The following CACNA1S variants were observed in gnomAD, a reference collection of about 807,000 sequenced individuals.
CACNA1S encodes voltage-dependent L-type calcium channel subunit alpha-1S.
A neutral mutation model predicts 207.4 loss-of-function variants in CACNA1S; 126 were observed. The ratio of observed to expected loss-of-function variants is 0.61; its 90% CI spans 0.53 to 0.70. CACNA1S has a LOEUF of 0.70. Among genes scored for constraint, CACNA1S ranks in the 30% least tolerant of loss-of-function variants. The pLI, the probability that CACNA1S is intolerant of heterozygous loss-of-function variation, is 0.00. For synonymous variants in CACNA1S, 960 were observed against 932.7 expected (o/e 1.03, Z -0.53); for missense variants, 2,349 against 2,422.8 (o/e 0.97, Z 0.64).
In CACNA1S at chr1:201,087,464, G is replaced by A. The variant is rs141779051; in HGVS notation, c.1004+362C>T. 1.8e-4 allele frequency among the ~76,000 whole-genome samples: 27 copies of A among 152,328 alleles called. No homozygotes were observed. The East Asian group carries it at 2.3e-3, about 13-fold the overall frequency. On this transcript the variant is annotated intron_variant, in intron 7 of 43. Transcript: ENST00000362061. ...GGGCCAGGAGGCTGGAGTTTCAGGG[G>A]CTTCACTGAGGAGTGTCAAAACAGA...
At chr1:201,079,516 C>G (rs564381026) in intron 10 of CACNA1S, among the ~76,000 whole-genome samples, 3 of 152,240 alleles carry the variant, frequency 2.0e-5, no homozygotes, top group Non-Finnish European at 2.9e-5. Context: ...GCATTCTTTA[C>G]ATCAGCAAGT....
At chr1:201,057,979 C>T (rs1209110671) in intron 28 of CACNA1S, among the ~76,000 whole-genome samples, 1 of 152,194 alleles carries the variant, frequency 6.6e-6, no homozygotes, top group Non-Finnish European at 1.5e-5. Flanking sequence ...TTCCAATAAA[C>T]TGGACCACTC....
chr1:201,091,231 T>A (rs1220203389), intron 5 of CACNA1S, among the ~76,000 whole-genome samples: 1 of 152,178 alleles, frequency 6.6e-6, no homozygotes, highest in Non-Finnish European at 1.5e-5. Flanking sequence ...TTTTCTGAGG[T>A]CCCATTCAGA....
intron 16 of CACNA1S, among the ~76,000 whole-genome samples, chr1:201,071,947 C>T (rs1237017098): frequency 6.6e-6 from 1 of 152,222 alleles, no homozygotes; most frequent in African/African-American, 2.4e-5. Context: ...AAAAGTCCCC[C>T]TGGAGCTTAG....
intron 15 of CACNA1S, among the ~76,000 whole-genome samples, chr1:201,073,051 C>T (rs1372227128): frequency 6.6e-6 from 1 of 152,200 alleles, no homozygotes; most frequent in East Asian, 1.9e-4. Context: ...CCCGCCCTAG[C>T]CTGTCTGACT....
rs527946658 is a variant in CACNA1S, at chr1:201,100,597, T to C, written c.259-6576A>G. Among the ~76,000 whole-genome samples the C allele has an allele frequency of 5.9e-5, 9 of 152,106 alleles. No homozygotes were observed. In the South Asian group the frequency reaches 1.9e-3, roughly 32 times the overall value. ...TCCCCTCCCTGTACAGCACTTCCCTTACCAGGGAACCAAGCTCCCTCAGGT... is the reference window on the plus strand; with the variant it reads ...TCCCCTCCCTGTACAGCACTTCCCTCACCAGGGAACCAAGCTCCCTCAGGT... On this transcript the variant is annotated intron_variant, in intron 2 of 43. Transcript: ENST00000362061.
intron 1 of CACNA1S, 49 bp from the exon 2 acceptor site, chr1:201,110,318 G>A: frequency 1.3e-6 from 2 of 1,533,910 alleles, no homozygotes; most frequent in South Asian, 1.1e-5. Flanking sequence ...GGGACTTACA[G>A]GGTTAAGGGG....
At chr1:201,052,976 C>T (rs1660707449) in intron 31 of CACNA1S, among the ~76,000 whole-genome samples, 2 of 152,128 alleles carry the variant, frequency 1.3e-5, no homozygotes, top group Admixed American at 1.3e-4. Flanking sequence ...CTTAGAGAGA[C>T]AGCCTGGCCC....
chr1:201,070,965 A>T (rs1408685362), intron 16 of CACNA1S, among the ~76,000 whole-genome samples: 1 of 152,182 alleles, frequency 6.6e-6, no homozygotes, highest in African/African-American at 2.4e-5. Context: ...GAAAAAAGCA[A>T]TCAGAATTTC....
At chr1:201,098,528 G>A (rs1662520311) in intron 2 of CACNA1S, among the ~76,000 whole-genome samples, 2 of 151,566 alleles carry the variant, frequency 1.3e-5, no homozygotes, top group South Asian at 4.2e-4. Context: ...ACGAACTGTG[G>A]TCTTTCCCTA....
At position 201,066,198 on chromosome 1, in the gene CACNA1S, C is replaced by T. The variant is rs927195213; in HGVS notation, c.2745+31G>A. On this transcript the variant is annotated intron_variant, in intron 21 of 43. Coordinates refer to ENST00000362061, the MANE Select transcript of CACNA1S (RefSeq NM_000069.3). This position sits in a 1 kb window ranked among gnomAD's most constrained non-coding sequence, Gnocchi z 4.3. ...GGCCCCTGTAACCCCTCCCATTCCT[C>T]TCTGGGGCTCCTGCCCGGGCCCTCT... is the stretch of plus-strand genomic sequence containing the variant. 6.2e-7 allele frequency: 1 copy of T among 1,604,652 alleles called. No individual in the cohort carries two copies. The highest frequency in any genetic ancestry group is 1.7e-5 in the Admixed American group (1 of 60,016).
chr1:201,068,229 C>CCCTTTT (rs1558066524), intron 19 of CACNA1S, among the ~76,000 whole-genome samples: 1 of 123,166 alleles, frequency 8.1e-6, no homozygotes, highest in African/African-American at 3.2e-5. Flanking sequence ...CCCGGCTCTG[C>CCCTTTT]TCTTTTTTTT....
chr1:201,039,853 G>C lies in CACNA1S; in HGVS notation c.5600C>G (p.Thr1867Ser). 1 of 1,607,488 alleles carries C rather than the reference G, an allele frequency of 6.2e-7. No individual in the cohort carries two copies. The highest frequency in any genetic ancestry group is 8.5e-7 in the Non-Finnish European group (1 of 1,180,012). ...GCATCACAGCCTTGGAGGAATAAGG[G>C]TCTCCTGGGAGCCCTGGTGTTGGTC... Reference protein sequence around the residue: ...SLDQHQGSQETLIPPRL With the variant: ...SLDQHQGSQESLIPPRL The change falls in exon 44 of 44, where the codon ACC becomes AGC. Residue 1867 changes from threonine (T) to serine (S), a missense_variant. Transcript: ENST00000362061.
intron 2 of CACNA1S, among the ~76,000 whole-genome samples, chr1:201,097,038 C>T (rs1302811650): frequency 6.6e-6 from 1 of 152,162 alleles, no homozygotes; most frequent in Non-Finnish European, 1.5e-5. Flanking sequence ...TGGCCCAAGC[C>T]AGAAACCTCC....
intron 11 of CACNA1S, 77 bp downstream of exon 11, chr1:201,077,802 A>G (rs1428647802): frequency 9.4e-6 from 9 of 961,538 alleles, no homozygotes; most frequent in African/African-American, 1.6e-5. Context: ...GACCTCAGGA[A>G]ATGAGATGGG....
At chr1:201,085,411 C>T (rs980971764) in intron 8 of CACNA1S, 25 bp downstream of exon 8, 1 of 1,613,886 alleles carries the variant, frequency 6.2e-7, no homozygotes, top group Non-Finnish European at 8.5e-7. Flanking sequence ...GGGGTGAGTG[C>T]TGACCACAGC....
chr1:201,084,096 A>G (rs1661948765), intron 9 of CACNA1S, among the ~76,000 whole-genome samples: 1 of 152,190 alleles, frequency 6.6e-6, no homozygotes, highest in African/African-American at 2.4e-5. Context: ...AATTGCTCTC[A>G]ATAGATAATT....
intron 1 of CACNA1S, 29 bp downstream of exon 1, chr1:201,112,159 C>G (rs199861975): frequency 7.2e-5 from 115 of 1,600,514 alleles, no homozygotes; most frequent in African/African-American, 5.1e-4. Context: ...ACGCACACCC[C>G]CCCCCACGGC....
rs1480075386 is a variant in CACNA1S, at chr1:201,047,156, A to G, written c.4627T>C (p.Tyr1543His). 3 of 1,613,736 alleles carry G rather than the reference A, an allele frequency of 1.9e-6. No homozygotes were observed. The highest frequency in any genetic ancestry group is 2.5e-6 in the Non-Finnish European group (3 of 1,179,986). ...TCCTTCTTGGGCCGATAGCCATAATACTCCTCTTGGCGTTTCATGAACTTC... is the reference window on the plus strand; with the variant it reads ...TCCTTCTTGGGCCGATAGCCATAATGCTCCTCTTGGCGTTTCATGAACTTC... ...FRKFMKRQEE[Y>H]YGYRPKKDIV... The change falls in exon 38 of 44, where the codon TAT (tyrosine) becomes CAT (histidine). Residue 1543 changes from tyrosine (Y) to histidine (H), a missense_variant. Coordinates refer to ENST00000362061, the MANE Select transcript of CACNA1S (RefSeq NM_000069.3).
Sources: allele counts gnomAD v4.1 joint callset (sites outside exome capture counted in the v4.1 genomes callset), GRCh38; gene constraint gnomAD v4.1.1; non-coding constraint Gnocchi (gnomAD v3.1); transcripts MANE v1.5; gene names NCBI Gene and HGNC (gene_info 2026-07-23, HGNC 2026-07-21).